C14orf132: variants seen among roughly 807,000 people sequenced by gnomAD.
C14orf132 encodes the protein uncharacterized protein C14orf132.
In C14orf132, 6 loss-of-function variants were observed where a neutral mutation model predicts 5.8. That is an observed-to-expected ratio of 1.03 (90% CI 0.57 to 2.04). C14orf132 has a LOEUF of 2.04. C14orf132 is among the 30% of genes most tolerant of loss of function. The probability of loss-of-function intolerance (pLI) is 0.00; values close to 1 mark genes in which losing one functional copy is unlikely to be tolerated. For synonymous variants in C14orf132, 51 were observed against 49.8 expected, an observed-to-expected ratio of 1.02 and a Z score of -0.10; for missense variants, 125 against 115.8, an observed-to-expected ratio of 1.08 and a Z score of -0.37.
At position 96,093,130 on chromosome 14, in the gene C14orf132, T is replaced by C. The variant is rs1364145835; in HGVS notation, c.*6395T>C. The C allele has an allele frequency of 6.6e-6, 1 of 152,232 alleles. No homozygotes were observed. Among genetic ancestry groups the C allele is most frequent in the African/African-American group, 2.4e-5 (1 of 41,460 alleles). The allele number at this position is 152,232 out of a possible 1,614,324, so 9.4% of individuals were successfully genotyped here. A position where few individuals can be genotyped will look rare whatever the true frequency, so the allele number is the denominator to read the frequency against. ...TCATGGTCACTGCCCTGCGTTCAAATAATGCGAGCTGAGGACAGTGATCTG... is the reference window on the plus strand; with the variant it reads ...TCATGGTCACTGCCCTGCGTTCAAACAATGCGAGCTGAGGACAGTGATCTG... On this transcript the variant is annotated 3_prime_UTR_variant, in exon 2 of 2. Transcript: ENST00000555004.
intron 1 of C14orf132, among the ~76,000 whole-genome samples, chr14:96,083,081 C>T (rs776364564): frequency 6.6e-6 from 1 of 152,200 alleles, no homozygotes; most frequent in Non-Finnish European, 1.5e-5. Flanking sequence ...AGGTGCAGGG[C>T]AAAGGGGACT....
intron 1 of C14orf132, among the ~76,000 whole-genome samples, chr14:96,063,946 C>G (rs915007713): frequency 6.6e-6 from 1 of 152,100 alleles, no homozygotes; most frequent in Non-Finnish European, 1.5e-5. Context: ...AGAAGATATG[C>G]AAATGGCCAA....
intron 1 of C14orf132, among the ~76,000 whole-genome samples, chr14:96,075,274 A>C (rs1887829460): frequency 6.6e-6 from 1 of 152,172 alleles, no homozygotes; most frequent in Admixed American, 6.5e-5. Flanking sequence ...ACCTTTCAAA[A>C]TTCAGTTATT....
chr14:96,064,954 G>T (rs1887486608), intron 1 of C14orf132, among the ~76,000 whole-genome samples: 2 of 152,206 alleles, frequency 1.3e-5, no homozygotes, highest in African/African-American at 4.8e-5. Context: ...GGTTGGCAGG[G>T]ATTGTGCACA....
chr14:96,070,348 T>C (rs1482701507), intron 1 of C14orf132, among the ~76,000 whole-genome samples: 1 of 152,202 alleles, frequency 6.6e-6, no homozygotes, highest in East Asian at 1.9e-4. Flanking sequence ...TCACTGGAGC[T>C]GACCTCAGCC....
rs552380838 is a variant in C14orf132 at position 96,051,518 on chromosome 14, C to A, written c.27+11991C>A. Reference sequence around the variant, plus strand: ...TCCAGCCCTCGTGAGGACCCCTCATCCATCTCCTCAGCATGAAGCTCTGGA... The same window carrying A: ...TCCAGCCCTCGTGAGGACCCCTCATACATCTCCTCAGCATGAAGCTCTGGA... On this transcript the variant is annotated intron_variant, in intron 1 of 1. Coordinates refer to ENST00000555004, the MANE Select transcript of C14orf132 (RefSeq NM_001252507.3). 4.6e-5 allele frequency among the ~76,000 whole-genome samples: 7 copies of A among 152,314 alleles called. No individual in the cohort carries two copies. The East Asian group carries it at 9.6e-4, about 21-fold the overall frequency.
chr14:96,064,712 G>A (rs1047106310), intron 1 of C14orf132, among the ~76,000 whole-genome samples: 2 of 151,724 alleles, frequency 1.3e-5, no homozygotes, highest in African/African-American at 2.4e-5. Flanking sequence ...CTACAAATAC[G>A]GTGCAGTGTC....
chr14:96,087,770 G>A lies in C14orf132; in HGVS notation c.*1035G>A, dbSNP rs887562641. 2 of 152,116 alleles carry A rather than the reference G, an allele frequency of 1.3e-5. No homozygotes were observed. Among genetic ancestry groups the A allele is most frequent in the African/African-American group, 4.8e-5 (2 of 41,400 alleles). The allele number at this position is 152,116 out of a possible 1,614,324, so 9.4% of individuals were successfully genotyped here. ...CTCAGATACCCGTCCTTTACATTCA[G>A]TGTGGATACCGTGCATTCTCCTGAA... On this transcript the variant is annotated 3_prime_UTR_variant, in exon 2 of 2. Transcript: ENST00000555004.
intron 1 of C14orf132, among the ~76,000 whole-genome samples, chr14:96,064,805 C>G (rs886168439): frequency 1.3e-5 from 2 of 151,892 alleles, no homozygotes; most frequent in Non-Finnish European, 1.5e-5. Flanking sequence ...CACCTGTACC[C>G]CAATAACTCA....
At chr14:96,069,346 A>G (rs1476485654) in intron 1 of C14orf132, among the ~76,000 whole-genome samples, 1 of 147,664 alleles carries the variant, frequency 6.8e-6, no homozygotes, top group Non-Finnish European at 1.5e-5. Flanking sequence ...GGACTAACAC[A>G]GATTTGGTAG....
chr14:96,046,673 C>T (rs1207413384), intron 1 of C14orf132, among the ~76,000 whole-genome samples: 1 of 152,212 alleles, frequency 6.6e-6, no homozygotes, highest in Non-Finnish European at 1.5e-5. Context: ...TACATATTAA[C>T]ATCATATTAA....
rs1380728440 is a variant in C14orf132 at position 96,087,432 on chromosome 14, A to G, written c.*697A>G. The G allele has an allele frequency of 1.3e-5, 2 of 152,150 alleles. No individual in the cohort carries two copies. The highest frequency in any genetic ancestry group is 4.8e-5 in the African/African-American group (2 of 41,386). 9.4% of individuals were successfully genotyped at this position (152,150 alleles called of 1,614,324 possible). On this transcript the variant is annotated 3_prime_UTR_variant, in exon 2 of 2. Coordinates refer to ENST00000555004, the MANE Select transcript of C14orf132 (RefSeq NM_001252507.3). Reference sequence around the variant, plus strand: ...AGAGGAGAGGATGTCTTTAAGAGCTAGATGTGCCAGGCAGTGGACTCTTCA... The same window carrying G: ...AGAGGAGAGGATGTCTTTAAGAGCTGGATGTGCCAGGCAGTGGACTCTTCA...
intron 1 of C14orf132, among the ~76,000 whole-genome samples, chr14:96,046,186 G>A (rs1159124085): frequency 1.3e-5 from 2 of 152,162 alleles, no homozygotes; most frequent in Non-Finnish European, 2.9e-5. Flanking sequence ...AGTCAAGAAA[G>A]TCTCCAGGCC....
chr14:96,051,055 C>T (rs1460180235), intron 1 of C14orf132: 1 of 397,494 alleles, frequency 2.5e-6, no homozygotes, highest in East Asian at 3.6e-5. Context: ...CTGATCCAGC[C>T]AGCATTTCTC....
rs1888274693 is a variant in C14orf132, at chr14:96,088,392, G to A, written c.*1657G>A. On this transcript the variant is annotated 3_prime_UTR_variant, in exon 2 of 2. Transcript: ENST00000555004. ...TGCCAGTGCATCAGCTTAAGGGGAG[G>A]TCACGAGTGCAAAAGAACCTGACCC... is the stretch of plus-strand genomic sequence containing the variant. 6.6e-6 allele frequency: 1 copy of A among 152,192 alleles called. No homozygotes were observed. Among genetic ancestry groups the A allele is most frequent in the Admixed American group, 6.5e-5 (1 of 15,284 alleles). 9.4% of individuals were successfully genotyped at this position (152,192 alleles called of 1,614,324 possible). A position where few individuals can be genotyped will look rare whatever the true frequency, so the allele number is the denominator to read the frequency against.
chr14:96,080,495 G>A (rs765854938), intron 1 of C14orf132, among the ~76,000 whole-genome samples: 3 of 152,310 alleles, frequency 2.0e-5, no homozygotes, highest in African/African-American at 4.8e-5. Context: ...CCCTTCTATT[G>A]TTTTGTGTTT....
chr14:96,042,576 C>T (rs1886724506), intron 1 of C14orf132, among the ~76,000 whole-genome samples: 1 of 152,200 alleles, frequency 6.6e-6, no homozygotes, highest in Admixed American at 6.5e-5. Flanking sequence ...ACCCAGAACA[C>T]ATAAGCCATT....
At chr14:96,076,353 T>A (rs1374149946) in intron 1 of C14orf132, among the ~76,000 whole-genome samples, 1 of 152,254 alleles carries the variant, frequency 6.6e-6, no homozygotes, top group Admixed American at 6.5e-5. Flanking sequence ...TTGTTATTGA[T>A]CTTTTAAAAG....
At chr14:96,080,472 G>A (rs11625438) in intron 1 of C14orf132, among the ~76,000 whole-genome samples, 92,053 of 152,066 alleles carry the variant, frequency 0.61, 28,355 homozygotes, top group East Asian at 0.9. Flanking sequence ...CGTATCACAA[G>A]CCATCACAAT....
Sources: allele counts gnomAD v4.1 joint callset (sites outside exome capture counted in the v4.1 genomes callset), GRCh38; gene constraint gnomAD v4.1.1; transcripts MANE v1.5; gene names NCBI Gene and HGNC (gene_info 2026-07-23, HGNC 2026-07-21).